The following UGGT2 variants were observed in gnomAD, a reference collection of about 807,000 sequenced individuals.
The protein encoded by UGGT2 is UDP-glucose:glycoprotein glucosyltransferase 2.
In UGGT2, 180 loss-of-function variants were observed where a neutral mutation model predicts 192.1. That is an observed-to-expected ratio of 0.94 (90% CI 0.83 to 1.06). The LOEUF (loss-of-function observed/expected upper bound fraction) is 1.06. Among genes scored for constraint, UGGT2 ranks in the 50% least tolerant of loss-of-function variants. UGGT2 has a pLI of 0.00. For missense variants in UGGT2, 1,849 were observed against 1,795.7 expected (o/e 1.03, Z -0.54); for synonymous variants, 580 against 591.0 (o/e 0.98, Z 0.27).
chr13:95,966,705 C>T (rs887166045), intron 12 of UGGT2, among the ~76,000 whole-genome samples: 1 of 151,856 alleles, frequency 6.6e-6, no homozygotes, highest in Non-Finnish European at 1.5e-5. Flanking sequence ...ATTTAAAAAA[C>T]CAAAAAACTA....
At chr13:95,949,189 T>TCAG in intron 13 of UGGT2, 146 bp downstream of exon 13, 2 of 665,304 alleles carry the variant, frequency 3.0e-6, no homozygotes, top group Non-Finnish European at 4.5e-6. Context: ...TGATACCCAG[T>TCAG]CAGCCATGCC....
In UGGT2 at chr13:95,890,897, T is replaced by C; in HGVS notation, c.2923A>G (p.Thr975Ala). 1 of 1,613,072 alleles carries C rather than the reference T, an allele frequency of 6.2e-7. No homozygotes were observed. The highest frequency in any genetic ancestry group is 8.5e-7 in the Non-Finnish European group (1 of 1,179,458). The part of the protein sequence containing the change: ...FNVIAIVDPL[T>A]REAQKMAQLL... ...TGTGCCATTTTCTGTGCTTCTCTTGTTAATGGATCAACAATAGCAATGACA... is the reference window on the plus strand; with the variant it reads ...TGTGCCATTTTCTGTGCTTCTCTTGCTAATGGATCAACAATAGCAATGACA... Residue 975 changes from threonine (T) to alanine (A), a missense_variant, in exon 25 of 39, where the codon ACA (threonine) becomes GCA (alanine). By Grantham distance (58) the Thr-to-Ala change is moderately conservative. Transcript: ENST00000376747.
intron 38 of UGGT2, among the ~76,000 whole-genome samples, chr13:95,818,253 C>A (rs547921174): frequency 2.6e-5 from 4 of 152,140 alleles, no homozygotes; most frequent in Non-Finnish European, 5.9e-5. Context: ...ATCGAGGATG[C>A]AATGAGCCAT....
chr13:95,900,612 T>C (rs1331424034), intron 22 of UGGT2, among the ~76,000 whole-genome samples, 195 bp downstream of exon 22: 1 of 152,106 alleles, frequency 6.6e-6, no homozygotes, highest in Non-Finnish European at 1.5e-5. Context: ...TCTCATTAAA[T>C]GGGGGAAAGA....
At chr13:95,843,336 A>T (rs185382769) in intron 36 of UGGT2, among the ~76,000 whole-genome samples, 44 of 152,274 alleles carry the variant, frequency 2.9e-4, no homozygotes, top group Non-Finnish European at 4.3e-4. Context: ...TATTCACCAT[A>T]GTTTTAATTT....
chr13:95,943,533 C>T (rs4547218), intron 15 of UGGT2, among the ~76,000 whole-genome samples: 58,323 of 151,714 alleles, frequency 0.38, 11,635 homozygotes, highest in Middle Eastern at 0.46. Context: ...TTTATCCAAG[C>T]ACCTAAAACA....
intron 12 of UGGT2, among the ~76,000 whole-genome samples, chr13:95,969,534 G>GA (rs199946172): frequency 1.2e-3 from 185 of 151,136 alleles, no homozygotes; most frequent in Non-Finnish European, 2.0e-3. Flanking sequence ...ACTGGATAGA[G>GA]AAAAAAAAAG....
chr13:95,835,783 A>C (rs1887214864), intron 37 of UGGT2, among the ~76,000 whole-genome samples: 2 of 152,242 alleles, frequency 1.3e-5, no homozygotes, highest in South Asian at 4.1e-4. Context: ...TATAAAATCT[A>C]AATGGACAAC....
intron 19 of UGGT2, among the ~76,000 whole-genome samples, chr13:95,926,487 ACAAAG>A (rs972285270): frequency 5.3e-5 from 8 of 152,190 alleles, no homozygotes; most frequent in African/African-American, 1.9e-4. Flanking sequence ...GCCAAACAAA[ACAAAG>A]CAAAGCAAAA....
Position 96,023,691 on chromosome 13 carries a change from T to G in UGGT2, c.310A>C (p.Asn104His). 1 of 1,612,206 alleles carries G rather than the reference T, an allele frequency of 6.2e-7. No homozygotes were observed. Among genetic ancestry groups the G allele is most frequent in the Non-Finnish European group, 8.5e-7 (1 of 1,178,674 alleles). ...ATAGAGAAAGCAAACTTTAAAAGGT[T>G]GATGTGTAAATTGTCTAGAAACTGT... ...AGQFLDNLHI[N>H]LLKFAFSIRA... The change falls in exon 3 of 39, where the codon AAC becomes CAC. Residue 104 changes from asparagine (N) to histidine (H), a missense_variant. Asn to His is a moderately conservative substitution (Grantham distance 68). Transcript: ENST00000376747.
intron 36 of UGGT2, 81 bp downstream of exon 36, chr13:95,853,462 A>G: frequency 1.8e-6 from 2 of 1,096,818 alleles, no homozygotes; most frequent in Non-Finnish European, 2.6e-6. Context: ...CTCAAAATAT[A>G]AGACTTTAAA....
chr13:96,002,820 G>A (rs2051850127), intron 5 of UGGT2, among the ~76,000 whole-genome samples: 1 of 152,132 alleles, frequency 6.6e-6, no homozygotes, highest in Non-Finnish European at 1.5e-5. Flanking sequence ...GCTCTTCCTC[G>A]CTTTCTCACT....
intron 1 of UGGT2, among the ~76,000 whole-genome samples, chr13:96,051,595 A>G (rs1227663144): frequency 6.6e-6 from 1 of 152,178 alleles, no homozygotes; most frequent in African/African-American, 2.4e-5. Context: ...TATACATCTG[A>G]AAAAGGATTA....
intron 12 of UGGT2, among the ~76,000 whole-genome samples, chr13:95,950,150 T>C (rs1355055056): frequency 2.0e-5 from 3 of 151,848 alleles, no homozygotes; most frequent in African/African-American, 7.3e-5. Flanking sequence ...GGTGAGAGGG[T>C]AGGAGAGAAG....
chr13:95,966,935 C>A (rs1461636860), intron 12 of UGGT2, among the ~76,000 whole-genome samples: 2 of 152,114 alleles, frequency 1.3e-5, no homozygotes, highest in African/African-American at 4.8e-5. Flanking sequence ...TATTTATAAA[C>A]ATAATTTTCA....
At chr13:96,038,564 C>CT (rs2053072947) in intron 1 of UGGT2, among the ~76,000 whole-genome samples, 2 of 152,192 alleles carry the variant, frequency 1.3e-5, no homozygotes, top group Non-Finnish European at 2.9e-5. Context: ...TACTGGGCTT[C>CT]TGCTGAGATG....
At chr13:95,985,762 C>T (rs1341410594) in intron 9 of UGGT2, among the ~76,000 whole-genome samples, 3 of 152,056 alleles carry the variant, frequency 2.0e-5, no homozygotes, top group Admixed American at 6.6e-5. Context: ...TTGCATGCAC[C>T]GGTCTCTTTA....
intron 24 of UGGT2, 63 bp from the exon 25 acceptor site, chr13:95,891,027 A>T: frequency 8.6e-7 from 1 of 1,161,962 alleles, no homozygotes; most frequent in Non-Finnish European, 1.2e-6. Context: ...ACTAATCATG[A>T]TCTTAGCTAT....
At chr13:95,802,813 T>TTTTGTTTGTTTGTTTG (rs146912861) in intron 38 of UGGT2, among the ~76,000 whole-genome samples, 8 of 151,064 alleles carry the variant, frequency 5.3e-5, no homozygotes, top group African/African-American at 2.0e-4. Context: ...AGCTATCCTT[T>TTTTGTTTGTTTGTTTG]TTTGTTTGTT....
Sources: gnomAD v4.1 joint callset for allele counts (sites outside exome capture counted in the v4.1 genomes callset) on GRCh38, gnomAD v4.1.1 for gene constraint, MANE v1.5 for transcripts, NCBI Gene and HGNC (gene_info 2026-07-23, HGNC 2026-07-21) for gene names.